The following DNAJC11 variants were observed in gnomAD, a reference collection of about 807,000 sequenced individuals.
The protein encoded by DNAJC11 is dnaJ homolog subfamily C member 11.
DNAJC11 carries 15 observed loss-of-function variants against 78.6 expected under a neutral mutation model. That is an observed-to-expected ratio of 0.19 (90% CI 0.13 to 0.29). DNAJC11 has a LOEUF of 0.29. Ranked by LOEUF, DNAJC11 falls within the 10% of genes least tolerant of loss-of-function variation. DNAJC11 has a pLI of 1.00. For synonymous variants in DNAJC11, 292 were observed against 272.1 expected (o/e 1.07, Z -0.72); for missense variants, 547 against 709.6 (o/e 0.77, Z 2.60).
Position 6,635,386 on chromosome 1 carries a change from A to G in DNAJC11, c.*289T>C, listed in dbSNP as rs574927742. On this transcript the variant is annotated 3_prime_UTR_variant, in exon 16 of 16. Coordinates refer to ENST00000377577, the MANE Select transcript of DNAJC11 (RefSeq NM_018198.4). Reference sequence around the variant, plus strand: ...GCTGCGGTCAGCACGTGTGCTCGGGACACAGCGGAGTCAGGGCCAGAGCCC... The same window carrying G: ...GCTGCGGTCAGCACGTGTGCTCGGGGCACAGCGGAGTCAGGGCCAGAGCCC... 1.0e-5 allele frequency: 4 copies of G among 388,388 alleles called. No homozygotes were observed. In the East Asian group the frequency reaches 1.9e-4, roughly 19 times the overall value. 24.1% of individuals were successfully genotyped at this position (388,388 alleles called of 1,614,324 possible). A position where few individuals can be genotyped will look rare whatever the true frequency, so the allele number is the denominator to read the frequency against.
intron 10 of DNAJC11, among the ~76,000 whole-genome samples, chr1:6,641,944 TG>T (rs551331372): frequency 1.3e-5 from 2 of 151,586 alleles, no homozygotes; most frequent in African/African-American, 2.4e-5. Context: ...GCAAACATGG[TG>T]GGGGGGATCA....
intron 1 of DNAJC11, among the ~76,000 whole-genome samples, chr1:6,700,137 T>C (rs12567649): frequency 0.28 from 42,532 of 152,040 alleles, 6,486 homozygotes; most frequent in South Asian, 0.47. Context: ...TCCCCGCCCT[T>C]GTGATAATGT....
chr1:6,686,129 T>G (rs1437245088), intron 1 of DNAJC11, among the ~76,000 whole-genome samples: 1 of 152,236 alleles, frequency 6.6e-6, no homozygotes, highest in Non-Finnish European at 1.5e-5. Flanking sequence ...TTACTCAGTT[T>G]TAATTTCTGA....
intron 7 of DNAJC11, among the ~76,000 whole-genome samples, chr1:6,647,793 G>A (rs1641989098): frequency 6.6e-6 from 1 of 152,048 alleles, no homozygotes; most frequent in Non-Finnish European, 1.5e-5. Context: ...CCAGCCTGGT[G>A]ACAGAGCAAG....
intron 3 of DNAJC11, among the ~76,000 whole-genome samples, chr1:6,678,060 G>A (rs1266915178): frequency 1.3e-5 from 2 of 152,162 alleles, no homozygotes; most frequent in East Asian, 3.8e-4. Flanking sequence ...CTGCACCCTT[G>A]AAGAAATCGT....
In DNAJC11 at chr1:6,653,695, A is replaced by C. The variant is rs1642087961; in HGVS notation, c.507+216T>G. 2.0e-6 allele frequency: 1 copy of C among 490,438 alleles called. No homozygotes were observed. Among genetic ancestry groups the C allele is most frequent in the African/African-American group, 2.0e-5 (1 of 50,268 alleles). The allele number at this position is 490,438 out of a possible 1,614,324, so 30.4% of individuals were successfully genotyped here. On this transcript the variant is annotated intron_variant, in intron 5 of 15. Transcript: ENST00000377577. The surrounding 1 kb of genome is among the most constrained non-coding windows in gnomAD (Gnocchi z 4.5). ...GGAAAGGCCCAAGACCTTGGGAGCC[A>C]AGTGCCCCAGCCCACACTCCTGCTG... is the stretch of plus-strand genomic sequence containing the variant.
chr1:6,691,969 G>C (rs1380468621), intron 1 of DNAJC11, among the ~76,000 whole-genome samples: 1 of 152,158 alleles, frequency 6.6e-6, no homozygotes, highest in African/African-American at 2.4e-5. Flanking sequence ...GTGTAAGTAA[G>C]TAAAATTAAA....
intron 6 of DNAJC11, 109 bp from the exon 7 acceptor site, chr1:6,651,711 C>A: frequency 1.3e-6 from 1 of 786,446 alleles, no homozygotes; most frequent in Admixed American, 2.4e-5. Context: ...ATTCACTGGT[C>A]TTGCCAGGGC....
chr1:6,652,779 G>T, intron 6 of DNAJC11, 50 bp downstream of exon 6: 1 of 1,611,520 alleles, frequency 6.2e-7, no homozygotes, highest in East Asian at 2.2e-5. Flanking sequence ...TAAATGTTCA[G>T]AAATAAGGCT....
chr1:6,663,904 G>A (rs1642256429), intron 4 of DNAJC11, among the ~76,000 whole-genome samples: 1 of 152,208 alleles, frequency 6.6e-6, no homozygotes. Context: ...GAATGCAGAA[G>A]GGACTTGATC....
At chr1:6,643,526 T>C (rs540298557) in intron 10 of DNAJC11, among the ~76,000 whole-genome samples, 119 of 152,162 alleles carry the variant, frequency 7.8e-4, no homozygotes, top group Middle Eastern at 3.4e-3. Flanking sequence ...CTGCCCGCCT[T>C]GGCCTCCCAA....
At chr1:6,643,536 A>G (rs751271262) in intron 10 of DNAJC11, among the ~76,000 whole-genome samples, 3 of 151,924 alleles carry the variant, frequency 2.0e-5, no homozygotes, top group Non-Finnish European at 4.4e-5. Flanking sequence ...TGGCCTCCCA[A>G]AGTGCTGGGA....
At position 6,670,200 on chromosome 1, in the gene DNAJC11, C is replaced by T. The variant is rs370439258; in HGVS notation, c.277-2390G>A. Among the ~76,000 whole-genome samples, 21 of 151,978 alleles carry T rather than the reference C, an allele frequency of 1.4e-4. No individual in the cohort carries two copies. In the East Asian group the frequency reaches 1.5e-3, roughly 11 times the overall value. Reference sequence around the variant, plus strand: ...GTCTTGCTCTCCTGACCTCGTGATCCGCCCGCCCAGATTATTTTTTAAAAT... The same window carrying T: ...GTCTTGCTCTCCTGACCTCGTGATCTGCCCGCCCAGATTATTTTTTAAAAT... On this transcript the variant is annotated intron_variant, in intron 3 of 15. Transcript: ENST00000377577.
At chr1:6,652,013 A>T (rs1055812721) in intron 6 of DNAJC11, among the ~76,000 whole-genome samples, 1 of 144,832 alleles carries the variant, frequency 6.9e-6, no homozygotes, top group Non-Finnish European at 1.5e-5. Context: ...TTTCATTTTC[A>T]TCCTGCGCCA....
rs138659014 is a variant in DNAJC11 at position 6,641,377 on chromosome 1, C to CA, written c.1098-1321dup. 8.0e-3 allele frequency among the ~76,000 whole-genome samples: 854 copies of CA among 106,702 alleles called. 9 individuals carry two copies. Among genetic ancestry groups the CA allele is most frequent in the Non-Finnish European group, 0.01 (554 of 54,128 alleles). 70.0% of individuals were successfully genotyped at this position (106,702 alleles called of 152,430 possible). On this transcript the variant is annotated intron_variant, in intron 10 of 15. Transcript: ENST00000377577. ...GGGTGCAAGAGCGAAACTCCGTCTC[C>CA]AAAAAAAAAAAAAATATATATATAT...
intron 7 of DNAJC11, among the ~76,000 whole-genome samples, chr1:6,646,437 T>C (rs1641967018): frequency 6.6e-6 from 1 of 152,202 alleles, no homozygotes; most frequent in African/African-American, 2.4e-5. Context: ...TCCTTCAGTG[T>C]GGGCTTGGAG....
At chr1:6,640,224 C>T (rs566077575) in intron 10 of DNAJC11, among the ~76,000 whole-genome samples, 167 bp from the exon 11 acceptor site, 10 of 152,270 alleles carry the variant, frequency 6.6e-5, no homozygotes, top group African/African-American at 1.4e-4. Flanking sequence ...TCTGGCCTCC[C>T]GTTCCAAAGT....
intron 4 of DNAJC11, among the ~76,000 whole-genome samples, chr1:6,662,674 C>G (rs142451348): frequency 1.3e-5 from 2 of 152,138 alleles, no homozygotes; most frequent in Admixed American, 6.5e-5. Context: ...CCAATCAGCT[C>G]GCTGTAAAAA....
chr1:6,635,463 C>A lies in DNAJC11; in HGVS notation c.*212G>T, dbSNP rs1308300197. ...AAACAGCCATGGGCCAGGCTGCAGT[C>A]TGGTTCCCAGTGGGGCTGCCTCAGT... On this transcript the variant is annotated 3_prime_UTR_variant, in exon 16 of 16. Transcript: ENST00000377577. The A allele has an allele frequency of 3.6e-6, 2 of 556,604 alleles. No homozygotes were observed. Among genetic ancestry groups the A allele is most frequent in the Non-Finnish European group, 6.4e-6 (2 of 314,440 alleles). 34.5% of individuals were successfully genotyped at this position (556,604 alleles called of 1,614,324 possible).
Sources: allele counts gnomAD v4.1 joint callset (sites outside exome capture counted in the v4.1 genomes callset), GRCh38; gene constraint gnomAD v4.1.1; non-coding constraint Gnocchi (gnomAD v3.1); transcripts MANE v1.5; gene names NCBI Gene and HGNC (gene_info 2026-07-23, HGNC 2026-07-21).